The following SUSD1 variants were observed in gnomAD, a reference collection of about 807,000 sequenced individuals.
The protein encoded by SUSD1 is sushi domain-containing protein 1.
SUSD1 carries 65 observed loss-of-function variants against 86.9 expected under a neutral mutation model. The observed-to-expected ratio is 0.75, with a 90% CI of 0.61 to 0.92. SUSD1 has a LOEUF of 0.92. Ranked by LOEUF, SUSD1 falls within the 40% of genes least tolerant of loss-of-function variation. The pLI is 0.00. For missense variants in SUSD1, 850 were observed against 929.7 expected, an observed-to-expected ratio of 0.91 and a Z score of 1.11; for synonymous variants, 346 against 350.0, an observed-to-expected ratio of 0.99 and a Z score of 0.13.
At chr9:112,065,120 C>T (rs1028830952) in intron 12 of SUSD1, among the ~76,000 whole-genome samples, 15 of 152,222 alleles carry the variant, frequency 9.9e-5, no homozygotes, top group Non-Finnish European at 1.9e-4. Context: ...TGTGAACTCA[C>T]GCTCTGCTTA....
At chr9:112,067,595 A>T (rs539849705) in intron 12 of SUSD1, among the ~76,000 whole-genome samples, 37 of 152,286 alleles carry the variant, frequency 2.4e-4, no homozygotes, top group African/African-American at 8.2e-4. Flanking sequence ...TGCAAGAAGA[A>T]TTGCTGTGAA....
chr9:112,136,061 A>T (rs1832248967), intron 5 of SUSD1, among the ~76,000 whole-genome samples: 1 of 152,204 alleles, frequency 6.6e-6, no homozygotes. Flanking sequence ...GACTTCAACC[A>T]TTTACAAATA....
chr9:112,114,573 A>C (rs1053841795), intron 6 of SUSD1, among the ~76,000 whole-genome samples: 7 of 152,224 alleles, frequency 4.6e-5, no homozygotes, highest in African/African-American at 1.7e-4. Flanking sequence ...CATGTCACCA[A>C]AAAGGGATAT....
At chr9:112,077,227 G>A (rs919876440) in intron 12 of SUSD1, among the ~76,000 whole-genome samples, 1 of 152,132 alleles carries the variant, frequency 6.6e-6, no homozygotes, top group African/African-American at 2.4e-5. Flanking sequence ...AAGTTGAGGG[G>A]ATGGCAGCCT....
intron 5 of SUSD1, among the ~76,000 whole-genome samples, chr9:112,126,669 T>C (rs1308390797): frequency 1.3e-5 from 2 of 152,152 alleles, no homozygotes; most frequent in African/African-American, 4.8e-5. Flanking sequence ...CGCATGGTTC[T>C]AACAGCTATA....
intron 5 of SUSD1, among the ~76,000 whole-genome samples, chr9:112,133,205 T>A (rs1204870956): frequency 6.6e-6 from 1 of 152,112 alleles, no homozygotes; most frequent in Non-Finnish European, 1.5e-5. Flanking sequence ...AGCCCAAGAA[T>A]TTGAGGCTGC....
intron 2 of SUSD1, among the ~76,000 whole-genome samples, chr9:112,150,557 C>T (rs892421277): frequency 1.3e-5 from 2 of 152,112 alleles, no homozygotes; most frequent in Admixed American, 6.6e-5. Flanking sequence ...GATGGGGACA[C>T]ATACTGAGGA....
chr9:112,071,327 A>G (rs1829259230), intron 12 of SUSD1, among the ~76,000 whole-genome samples: 1 of 152,044 alleles, frequency 6.6e-6, no homozygotes, highest in South Asian at 2.1e-4. Context: ...GGGTGTGGTG[A>G]CATGCACCTG....
chr9:112,083,232 G>T (rs1482030930), intron 10 of SUSD1, among the ~76,000 whole-genome samples: 4 of 152,102 alleles, frequency 2.6e-5, no homozygotes, highest in African/African-American at 4.8e-5. Context: ...AGATTTTAAA[G>T]AATTTTTTTT....
chr9:112,154,877 A>G (rs924501721), intron 2 of SUSD1, among the ~76,000 whole-genome samples: 14 of 152,168 alleles, frequency 9.2e-5, no homozygotes, highest in Admixed American at 2.6e-4. Context: ...CGGGATGCAC[A>G]GTGCCTAGTG....
chr9:112,118,170 G>A (rs1831407101), intron 6 of SUSD1, among the ~76,000 whole-genome samples: 2 of 152,186 alleles, frequency 1.3e-5, no homozygotes, highest in African/African-American at 4.8e-5. Flanking sequence ...ATCATTTCTA[G>A]TCAAAACAGC....
intron 10 of SUSD1, among the ~76,000 whole-genome samples, chr9:112,094,627 G>A (rs1024370240): frequency 1.1e-4 from 16 of 152,246 alleles, no homozygotes; most frequent in Non-Finnish European, 2.1e-4. Context: ...TTTTGGTCTT[G>A]CAGACAGGAT....
At chr9:112,050,424 A>G (rs1437761305) in intron 15 of SUSD1, among the ~76,000 whole-genome samples, 1 of 152,208 alleles carries the variant, frequency 6.6e-6, no homozygotes, top group Non-Finnish European at 1.5e-5. Context: ...GGAGAGAAGC[A>G]GACAAATGGA....
chr9:112,105,150 T>C (rs1830783541), intron 8 of SUSD1, among the ~76,000 whole-genome samples: 2 of 152,044 alleles, frequency 1.3e-5, no homozygotes, highest in Admixed American at 1.3e-4. Context: ...TTAAAGTGCA[T>C]TGGAAATGGT....
At chr9:112,041,735 G>A (rs1827747039) in intron 16 of SUSD1, 132 bp downstream of exon 16, 2 of 822,462 alleles carry the variant, frequency 2.4e-6, no homozygotes, top group Non-Finnish European at 4.0e-6. Flanking sequence ...ACCGCTGAGT[G>A]TGCTCTGCTG....
intron 12 of SUSD1, among the ~76,000 whole-genome samples, chr9:112,073,425 T>C (rs1423517603): frequency 6.6e-6 from 1 of 152,170 alleles, no homozygotes; most frequent in East Asian, 1.9e-4. Context: ...TGGTCTGGTT[T>C]ATCTCCACAT....
intron 8 of SUSD1, among the ~76,000 whole-genome samples, chr9:112,102,757 A>C (rs1173961548): frequency 1.3e-5 from 2 of 152,220 alleles, no homozygotes; most frequent in Non-Finnish European, 2.9e-5. Flanking sequence ...GTGCTTTCCA[A>C]CCTAGAAAAT....
intron 12 of SUSD1, among the ~76,000 whole-genome samples, chr9:112,067,119 C>A (rs922256500): frequency 7.9e-5 from 12 of 152,324 alleles, no homozygotes; most frequent in African/African-American, 2.9e-4. Context: ...CTCAGGTGAT[C>A]CGCCCACCTC....
intron 6 of SUSD1, among the ~76,000 whole-genome samples, chr9:112,118,077 C>A (rs1397970459): frequency 2.0e-5 from 3 of 152,176 alleles, no homozygotes; most frequent in Non-Finnish European, 4.4e-5. Context: ...AATTTTATAT[C>A]CTTTTTCTTT....
Sources: allele counts gnomAD v4.1 joint callset (sites outside exome capture counted in the v4.1 genomes callset), GRCh38; gene constraint gnomAD v4.1.1; transcripts MANE v1.5; gene names NCBI Gene and HGNC (gene_info 2026-07-23, HGNC 2026-07-21).